PIGU: variants seen among roughly 807,000 people sequenced by gnomAD.
PIGU encodes the protein phosphatidylinositol glycan anchor biosynthesis class U, also known as GPI-anchor transamidase component PIGU.
PIGU carries 24 observed loss-of-function variants against 49.9 expected under a neutral mutation model. The ratio of observed to expected loss-of-function variants is 0.48; its 90% CI spans 0.35 to 0.68. PIGU has a LOEUF of 0.68. Ranked by LOEUF, PIGU falls within the 30% of genes least tolerant of loss-of-function variation. PIGU has a pLI of 0.01. For missense variants in PIGU, 490 were observed against 532.6 expected, an observed-to-expected ratio of 0.92 and a Z score of 0.79; for synonymous variants, 220 against 205.7, an observed-to-expected ratio of 1.07 and a Z score of -0.59.
At chr20:34,601,053 AAGC>A in intron 7 of PIGU, among the ~76,000 whole-genome samples, 1 of 151,702 alleles carries the variant, frequency 6.6e-6, no homozygotes, top group East Asian at 1.9e-4. Flanking sequence ...AAAAAAAAAA[AAGC>A]AGTTCTCTTA....
intron 7 of PIGU, among the ~76,000 whole-genome samples, chr20:34,590,475 T>G (rs1280292957): frequency 6.6e-6 from 1 of 151,990 alleles, no homozygotes; most frequent in Non-Finnish European, 1.5e-5. Flanking sequence ...GAGAATCACT[T>G]GAACCCAGGA....
chr20:34,578,158 A>C (rs1316265706), intron 10 of PIGU, among the ~76,000 whole-genome samples: 1 of 152,232 alleles, frequency 6.6e-6, no homozygotes, highest in African/African-American at 2.4e-5. Context: ...TTAGTGGTCT[A>C]AGAAATCCCA....
intron 7 of PIGU, among the ~76,000 whole-genome samples, chr20:34,592,157 C>G (rs1404707944): frequency 2.0e-5 from 3 of 147,100 alleles, no homozygotes; most frequent in African/African-American, 7.6e-5. Flanking sequence ...CCACTGCACT[C>G]GAGCCTGGGT....
intron 1 of PIGU, among the ~76,000 whole-genome samples, chr20:34,676,454 T>G (rs1987500382): frequency 1.3e-5 from 2 of 152,136 alleles, no homozygotes; most frequent in Non-Finnish European, 2.9e-5. Flanking sequence ...TAACAAAAAT[T>G]GCCCTGCAAG....
rs569929111 is a variant in PIGU, at chr20:34,631,141, T to C, written c.529+3474A>G. Among the ~76,000 whole-genome samples, 14 of 151,916 alleles carry C rather than the reference T, an allele frequency of 9.2e-5. No individual in the cohort carries two copies. In the South Asian group the frequency reaches 2.7e-3, roughly 29 times the overall value. ...GGATACTGTGGTGATAAAATAAAAATAGGATGCCTCAAAGAAACAACCAGA... is the reference window on the plus strand; with the variant it reads ...GGATACTGTGGTGATAAAATAAAAACAGGATGCCTCAAAGAAACAACCAGA... On this transcript the variant is annotated intron_variant, in intron 6 of 11. Transcript: ENST00000217446.
intron 7 of PIGU, among the ~76,000 whole-genome samples, chr20:34,608,363 C>T (rs187024947): frequency 7.7e-4 from 117 of 152,236 alleles, no homozygotes; most frequent in Middle Eastern, 3.4e-3. Flanking sequence ...CGTGAGCCAC[C>T]GTGCCCAGCC....
rs59998699 is a variant in PIGU at position 34,650,700 on chromosome 20, C to CTTTTTTTTTTTTTTTTTTTTTTTTTTTTT, written c.196-5395_196-5367dup. On this transcript the variant is annotated intron_variant, in intron 2 of 11. Coordinates refer to ENST00000217446, the MANE Select transcript of PIGU (RefSeq NM_080476.5). ...AATTTTTTTCCTTTTCTTTTTTTCT[C>CTTTTTTTTTTTTTTTTTTTTTTTTTTTTT]TTTTTTTTTTTTTTTTTTTTTTTTT... 5.9e-4 allele frequency among the ~76,000 whole-genome samples: 23 copies of CTTTTTTTTTTTTTTTTTTTTTTTTTTTTT among 38,778 alleles called. 7 individuals carry two copies. The highest frequency in any genetic ancestry group is 2.3e-3 in the African/African-American group (20 of 8,600). 25.4% of individuals were successfully genotyped at this position (38,778 alleles called of 152,430 possible).
intron 11 of PIGU, among the ~76,000 whole-genome samples, chr20:34,568,175 G>A (rs762616407): frequency 5.3e-5 from 8 of 152,164 alleles, no homozygotes; most frequent in Non-Finnish European, 1.0e-4. Context: ...GGCTGGAGTC[G>A]CTATAGAGTT....
At position 34,575,089 on chromosome 20, in the gene PIGU, T is replaced by C. The variant is rs1209859495; in HGVS notation, c.1194+15A>G. 1 of 1,613,502 alleles carries C rather than the reference T, an allele frequency of 6.2e-7. No homozygotes were observed. Among genetic ancestry groups the C allele is most frequent in the Non-Finnish European group, 8.5e-7 (1 of 1,179,540 alleles). ...ATTCCTGTCCCCAAGCTGACCCCCATGCTGTCCCTCTTACCTGCCCAACGT... is the reference window on the plus strand; with the variant it reads ...ATTCCTGTCCCCAAGCTGACCCCCACGCTGTCCCTCTTACCTGCCCAACGT... On this transcript the variant is annotated intron_variant, in intron 11 of 11. Coordinates refer to ENST00000217446, the MANE Select transcript of PIGU (RefSeq NM_080476.5).
chr20:34,673,089 C>G (rs1600678662), intron 1 of PIGU, among the ~76,000 whole-genome samples: 1 of 151,622 alleles, frequency 6.6e-6, no homozygotes, highest in Non-Finnish European at 1.5e-5. Flanking sequence ...CCCGTCTCTA[C>G]TAAAAATACA....
chr20:34,585,406 A>G (rs756526063), intron 9 of PIGU, 31 bp downstream of exon 9: 1 of 1,611,358 alleles, frequency 6.2e-7, no homozygotes, highest in Non-Finnish European at 8.5e-7. Context: ...ACAGCTCTGT[A>G]CACACAGCAG....
chr20:34,661,830 C>T (rs1986936274), intron 1 of PIGU, among the ~76,000 whole-genome samples: 1 of 152,118 alleles, frequency 6.6e-6, no homozygotes, highest in African/African-American at 2.4e-5. Flanking sequence ...TATATTCCCA[C>T]CAGTCGTGTA....
intron 1 of PIGU, among the ~76,000 whole-genome samples, chr20:34,659,138 G>A (rs1312089243): frequency 6.5e-5 from 8 of 123,642 alleles, no homozygotes; most frequent in East Asian, 5.4e-4. Flanking sequence ...GCCTCTGCCC[G>A]GCTGCCCCTA....
intron 4 of PIGU, among the ~76,000 whole-genome samples, chr20:34,640,161 G>A (rs1483898117): frequency 6.6e-6 from 1 of 152,156 alleles, no homozygotes; most frequent in Non-Finnish European, 1.5e-5. Context: ...GCAACTACCC[G>A]GGATGTGTAC....
intron 2 of PIGU, among the ~76,000 whole-genome samples, chr20:34,648,354 T>C (rs982228209): frequency 4.6e-5 from 7 of 152,128 alleles, no homozygotes; most frequent in Non-Finnish European, 8.8e-5. Context: ...AATTACTATA[T>C]CTTCTGGGTG....
Position 34,614,272 on chromosome 20 carries a change from C to T in PIGU, c.627+1770G>A, listed in dbSNP as rs535316369. 4.6e-5 allele frequency among the ~76,000 whole-genome samples: 7 copies of T among 152,010 alleles called. No individual in the cohort carries two copies. The East Asian group carries it at 1.4e-3, about 29-fold the overall frequency. Reference sequence around the variant, plus strand: ...TGACTGCGGCACTGCACATCCCATCCTGGGCAACAGAGTGAGACACTGTCT... The same window carrying T: ...TGACTGCGGCACTGCACATCCCATCTTGGGCAACAGAGTGAGACACTGTCT... On this transcript the variant is annotated intron_variant, in intron 7 of 11. Coordinates refer to ENST00000217446, the MANE Select transcript of PIGU (RefSeq NM_080476.5).
rs762062450 is a variant in PIGU, at chr20:34,616,054, G to C, written c.615C>G (p.Leu205=). The C allele has an allele frequency of 6.2e-7, 1 of 1,611,394 alleles. No homozygotes were observed. The highest frequency in any genetic ancestry group is 8.5e-7 in the Non-Finnish European group (1 of 1,178,982). The change falls in exon 7 of 12, where the codon CTC becomes CTG. Residue 205 remains leucine (L), a synonymous_variant. Transcript: ENST00000217446. ...YPLTLFVPGL[L]YLLQRQYIPV... is the part of the protein sequence containing the mutation. ...AGCAAGTGCTTACCTGGAGGAGATA[G>C]AGGAGTCCTGGGACAAACAAGGTGA...
intron 7 of PIGU, among the ~76,000 whole-genome samples, chr20:34,604,860 A>C (rs1040943312): frequency 2.0e-5 from 3 of 152,204 alleles, no homozygotes; most frequent in Admixed American, 6.5e-5. Context: ...CCAAAAGAGT[A>C]CTCACGGGGT....
At chr20:34,659,291 G>T (rs1389400753) in intron 1 of PIGU, among the ~76,000 whole-genome samples, 2 of 148,126 alleles carry the variant, frequency 1.4e-5, no homozygotes, top group African/African-American at 2.5e-5. Flanking sequence ...ACCCCGTCCG[G>T]GAGGGAGGTG....
Sources: gnomAD v4.1 joint callset for allele counts (sites outside exome capture counted in the v4.1 genomes callset) on GRCh38, gnomAD v4.1.1 for gene constraint, MANE v1.5 for transcripts, NCBI Gene and HGNC (gene_info 2026-07-23, HGNC 2026-07-21) for gene names.